The following WDR27 variants were observed in gnomAD, a reference collection of about 807,000 sequenced individuals.
WDR27 encodes the protein WD repeat-containing protein 27.
In WDR27, 100 loss-of-function variants were observed where a neutral mutation model predicts 114.4. The ratio of observed to expected loss-of-function variants is 0.87; its 90% confidence interval spans 0.74 to 1.03. The LOEUF is 1.03. Ranked by LOEUF, WDR27 falls within the 50% of genes least tolerant of loss-of-function variation. The pLI is 0.00. For synonymous variants in WDR27, 449 were observed against 423.1 expected (o/e 1.06, Z -0.75); for missense variants, 1,129 against 1,092.9 (o/e 1.03, Z -0.47).
At chr6:169,572,034 G>A (rs1210718348) in intron 25 of WDR27, among the ~76,000 whole-genome samples, 2 of 151,990 alleles carry the variant, frequency 1.3e-5, no homozygotes, top group Non-Finnish European at 2.9e-5. Flanking sequence ...GATCTCTGGA[G>A]GAAAAATTTT....
At chr6:169,569,242 T>C (rs553194745) in intron 25 of WDR27, among the ~76,000 whole-genome samples, 1 of 151,528 alleles carries the variant, frequency 6.6e-6, no homozygotes, top group East Asian at 2.0e-4. Context: ...ATTCAATTCA[T>C]TAAACACTTA....
intron 8 of WDR27, 49 bp downstream of exon 8, chr6:169,664,117 A>G (rs769016441): frequency 1.3e-6 from 2 of 1,500,728 alleles, no homozygotes; most frequent in Admixed American, 4.5e-5. Context: ...GCGCCTGGTG[A>G]AAGATCTGGG....
chr6:169,522,264 C>A (rs1204901375), intron 25 of WDR27, among the ~76,000 whole-genome samples: 1 of 152,006 alleles, frequency 6.6e-6, no homozygotes, highest in Non-Finnish European at 1.5e-5. Context: ...GGGGTCAATT[C>A]AGCAAGAAGA....
the WDR27 span, among the ~76,000 whole-genome samples, chr6:169,432,118 A>C: frequency 1.2e-4 from 19 of 152,206 alleles, no homozygotes; most frequent in Non-Finnish European, 2.4e-4. Flanking sequence ...CACACACACA[A>C]ACATTTTTAG....
At chr6:169,551,540 G>C (rs1179031398) in intron 25 of WDR27, among the ~76,000 whole-genome samples, 1 of 152,022 alleles carries the variant, frequency 6.6e-6, no homozygotes, top group African/African-American at 2.4e-5. Context: ...TTCGAGACCA[G>C]CCTGGCCAAC....
chr6:169,471,912 C>A (rs1032710084), intron 25 of WDR27, among the ~76,000 whole-genome samples: 3 of 152,216 alleles, frequency 2.0e-5, no homozygotes, highest in Admixed American at 1.3e-4. Context: ...CATCTTGCTG[C>A]TTCCTCACAT....
rs183412833 is a variant in WDR27, at chr6:169,466,703, G to A, written c.2646-9069C>T. On this transcript the variant is annotated intron_variant, in intron 25 of 25. Transcript: ENST00000448612. ...CACCAGGTCTCTCCCTAGACACATGGGGATTATGAGGATTACAATTTAAGA... is the reference window on the plus strand; with the variant it reads ...CACCAGGTCTCTCCCTAGACACATGAGGATTATGAGGATTACAATTTAAGA... Among the ~76,000 whole-genome samples the A allele has an allele frequency of 5.8e-3, 877 of 152,174 alleles. 21 individuals carry two copies. Among genetic ancestry groups the A allele is most frequent in the East Asian group, 9.3e-3 (48 of 5,158 alleles).
chr6:169,529,243 CAT>C (rs2128076958), intron 25 of WDR27, among the ~76,000 whole-genome samples: 1 of 144,324 alleles, frequency 6.9e-6, no homozygotes, highest in East Asian at 2.0e-4. Flanking sequence ...TGAATAGACG[CAT>C]ACACACCCAC....
chr6:169,666,598 C>G, intron 6 of WDR27: 2 of 985,520 alleles, frequency 2.0e-6, no homozygotes, highest in South Asian at 9.4e-5. Flanking sequence ...CCGTGCTCCG[C>G]GGACGGACGC....
At chr6:169,689,429 T>C (rs894288897) in intron 1 of WDR27, 1 of 153,198 alleles carries the variant, frequency 6.5e-6, no homozygotes, top group Admixed American at 6.5e-5. Context: ...AGACACAAAG[T>C]TATTTTCTGA....
chr6:169,697,576 G>A (rs974880371), intron 1 of WDR27, among the ~76,000 whole-genome samples: 1 of 152,148 alleles, frequency 6.6e-6, no homozygotes, highest in African/African-American at 2.4e-5. Context: ...CTCCTAGTCC[G>A]CCTTCAGGTT....
chr6:169,446,513 A>G, the WDR27 span, among the ~76,000 whole-genome samples: 1 of 152,360 alleles, frequency 6.6e-6, no homozygotes, highest in African/African-American at 2.4e-5. Flanking sequence ...AGTCTGTGGC[A>G]CACCGGGGCA....
At position 169,481,786 on chromosome 6, in the gene WDR27, G is replaced by A. The variant is rs2865087; in HGVS notation, c.2646-24152C>T. ...TCCTTAAAGAACTGTAACACTCACC[G>A]CAAAGGTCTGCACCTTCACTCCTGA... On this transcript the variant is annotated intron_variant, in intron 25 of 25. Coordinates refer to ENST00000448612, the MANE Select transcript of WDR27 (RefSeq NM_182552.5). 8.8e-3 allele frequency among the ~76,000 whole-genome samples: 1,343 copies of A among 152,164 alleles called. 12 individuals are homozygous for A. Among genetic ancestry groups the A allele is most frequent in the African/African-American group, 0.03 (1,253 of 41,520 alleles).
intron 25 of WDR27, 117 bp from the exon 26 acceptor site, chr6:169,457,751 G>T: frequency 1.4e-6 from 1 of 700,414 alleles, no homozygotes; most frequent in Non-Finnish European, 2.4e-6. Context: ...CTGGAACATC[G>T]AGTAAAATAC....
intron 10 of WDR27, among the ~76,000 whole-genome samples, chr6:169,660,188 G>T (rs1825658619): frequency 9.0e-6 from 1 of 111,530 alleles, no homozygotes; most frequent in Admixed American, 9.5e-5. Context: ...TGAGATGGGG[G>T]TCTTGGGGGA....
chr6:169,685,497 T>C (rs1215569180), intron 2 of WDR27, among the ~76,000 whole-genome samples: 3 of 151,906 alleles, frequency 2.0e-5, no homozygotes, highest in South Asian at 2.1e-4. Flanking sequence ...AACAAAGAAA[T>C]AGGTATTATT....
intron 25 of WDR27, among the ~76,000 whole-genome samples, chr6:169,564,855 C>T (rs1258074943): frequency 3.6e-4 from 11 of 30,418 alleles, no homozygotes; most frequent in Admixed American, 1.8e-3. Flanking sequence ...GGTAACCAAA[C>T]GCGTGAGTGA....
At chr6:169,632,103 G>A (rs556782853) in intron 21 of WDR27, among the ~76,000 whole-genome samples, 7 of 150,704 alleles carry the variant, frequency 4.6e-5, no homozygotes, top group Non-Finnish European at 7.4e-5. Flanking sequence ...CAGGAGAATC[G>A]CTTGAACCCA....
At chr6:169,680,832 T>C (rs889524894) in intron 2 of WDR27, among the ~76,000 whole-genome samples, 3 of 152,204 alleles carry the variant, frequency 2.0e-5, no homozygotes, top group Non-Finnish European at 4.4e-5. Context: ...TATCACTTTA[T>C]AATAAATGAA....
Sources: allele counts gnomAD v4.1 joint callset (sites outside exome capture counted in the v4.1 genomes callset), GRCh38; gene constraint gnomAD v4.1.1; transcripts MANE v1.5; gene names NCBI Gene and HGNC (gene_info 2026-07-23, HGNC 2026-07-21).